The following MLLT10 variants were observed in gnomAD, a reference collection of about 807,000 sequenced individuals.
MLLT10 encodes MLLT10 histone lysine methyltransferase DOT1L cofactor, also known as protein AF-10.
Under a neutral mutation model 129.1 loss-of-function variants are expected in MLLT10, and 30 were observed. The ratio of observed to expected loss-of-function variants is 0.23; its 90% confidence interval spans 0.17 to 0.32. MLLT10 has a LOEUF of 0.32. MLLT10 is among the 10% of genes least tolerant of loss of function. The pLI is 1.00. For synonymous variants in MLLT10, 490 were observed against 446.4 expected, an observed-to-expected ratio of 1.10 and a Z score of -1.23; for missense variants, 1,119 against 1,268.3, an observed-to-expected ratio of 0.88 and a Z score of 1.79.
intron 3 of MLLT10, among the ~76,000 whole-genome samples, chr10:21,570,485 T>C (rs538143988): frequency 4.1e-4 from 63 of 152,144 alleles, no homozygotes; most frequent in African/African-American, 1.5e-3. Context: ...TCTAAAGACT[T>C]TTTTTTTCTA....
intron 22 of MLLT10, among the ~76,000 whole-genome samples, chr10:21,740,580 T>C (rs2058746078): frequency 6.6e-6 from 1 of 152,222 alleles, no homozygotes; most frequent in Admixed American, 6.5e-5. Flanking sequence ...GAAATATTTT[T>C]ATTTTACTCC....
chr10:21,601,598 C>T (rs1413596304), intron 5 of MLLT10, among the ~76,000 whole-genome samples: 1 of 152,144 alleles, frequency 6.6e-6, no homozygotes, highest in East Asian at 1.9e-4. Context: ...AGTTATGTCT[C>T]ACGATAGCCT....
intron 3 of MLLT10, among the ~76,000 whole-genome samples, chr10:21,583,622 A>T (rs2041690801): frequency 6.6e-6 from 1 of 152,138 alleles, no homozygotes; most frequent in African/African-American, 2.4e-5. Flanking sequence ...GGGCAGTGGG[A>T]ATGGGGACCA....
At chr10:21,678,673 G>A (rs973059945) in intron 11 of MLLT10, among the ~76,000 whole-genome samples, 3 of 152,142 alleles carry the variant, frequency 2.0e-5, no homozygotes, top group Admixed American at 2.0e-4. Context: ...CAAACTGATA[G>A]GCTAATGATC....
chr10:21,704,610 G>GC (rs2055312605), intron 13 of MLLT10, among the ~76,000 whole-genome samples: 1 of 67,000 alleles, frequency 1.5e-5, no homozygotes, highest in Non-Finnish European at 2.7e-5. Flanking sequence ...TCTCTCTCTC[G>GC]CTTTTTTTTT....
At chr10:21,692,461 C>T (rs1218966466) in intron 13 of MLLT10, among the ~76,000 whole-genome samples, 2 of 151,974 alleles carry the variant, frequency 1.3e-5, no homozygotes, top group Admixed American at 6.5e-5. Context: ...TGAACCACCG[C>T]GCCTGGCCTA....
intron 4 of MLLT10, among the ~76,000 whole-genome samples, chr10:21,588,984 C>T (rs2042254847): frequency 6.6e-6 from 1 of 151,950 alleles, no homozygotes; most frequent in African/African-American, 2.4e-5. Flanking sequence ...CCACCGCGCC[C>T]AGCTGATTTT....
chr10:21,545,614 A>G (rs1179579526), intron 3 of MLLT10, among the ~76,000 whole-genome samples: 2 of 152,208 alleles, frequency 1.3e-5, no homozygotes, highest in African/African-American at 4.8e-5. Flanking sequence ...ATTGTTTAGA[A>G]AAAGCACCGT....
At chr10:21,728,787 GGAGGCCAAGTTTGGAGGATTGCTT>G (rs2057715906) in intron 16 of MLLT10, among the ~76,000 whole-genome samples, 1 of 152,040 alleles carries the variant, frequency 6.6e-6, no homozygotes, top group African/African-American at 2.4e-5. Context: ...CAGCGCTTTG[GGAGGCCAAGTTTGGAGGATTGCTT>G]GAGGCCTGGA....
At chr10:21,620,364 A>G (rs1277205106) in intron 8 of MLLT10, among the ~76,000 whole-genome samples, 1 of 152,196 alleles carries the variant, frequency 6.6e-6, no homozygotes, top group Non-Finnish European at 1.5e-5. Flanking sequence ...CCAATTTGAA[A>G]TGGTTTGAAT....
At chr10:21,570,365 G>A (rs1267302719) in intron 3 of MLLT10, among the ~76,000 whole-genome samples, 3 of 152,148 alleles carry the variant, frequency 2.0e-5, no homozygotes, top group Non-Finnish European at 2.9e-5. Flanking sequence ...GAGCCACTGC[G>A]CTCAGCCACT....
chr10:21,692,468 C>T (rs1289985780), intron 13 of MLLT10, among the ~76,000 whole-genome samples: 1 of 151,932 alleles, frequency 6.6e-6, no homozygotes, highest in Non-Finnish European at 1.5e-5. Flanking sequence ...CCGCGCCTGG[C>T]CTATTGTTCT....
intron 2 of MLLT10, 94 bp downstream of exon 2, chr10:21,534,898 G>T (rs1323923327): frequency 1.1e-6 from 1 of 925,622 alleles, no homozygotes; most frequent in African/African-American, 1.8e-5. Context: ...CCCCCGCCCC[G>T]TGCCGCGGCC....
At chr10:21,733,188 T>C in intron 18 of MLLT10, 101 bp downstream of exon 18, 2 of 1,195,876 alleles carry the variant, frequency 1.7e-6, no homozygotes, top group African/African-American at 3.1e-5. Context: ...TATGAAGATG[T>C]AGAAAAGGAA....
chr10:21,711,965 T>G (rs1345899832), intron 13 of MLLT10, among the ~76,000 whole-genome samples: 1 of 152,214 alleles, frequency 6.6e-6, no homozygotes, highest in African/African-American at 2.4e-5. Flanking sequence ...CTACCTATCT[T>G]GAATGGCTTT....
chr10:21,723,473 T>C (rs1286512709), intron 14 of MLLT10, among the ~76,000 whole-genome samples: 1 of 152,216 alleles, frequency 6.6e-6, no homozygotes, highest in African/African-American at 2.4e-5. Context: ...AAGTGATATA[T>C]TGATATGTCA....
At chr10:21,648,278 A>T (rs1264327730) in intron 8 of MLLT10, among the ~76,000 whole-genome samples, 1 of 152,216 alleles carries the variant, frequency 6.6e-6, no homozygotes, top group Non-Finnish European at 1.5e-5. Flanking sequence ...TCCAGTGAAC[A>T]CTTGTAATGC....
At chr10:21,642,803 G>A (rs1410073350) in intron 8 of MLLT10, among the ~76,000 whole-genome samples, 2 of 152,092 alleles carry the variant, frequency 1.3e-5, no homozygotes, top group East Asian at 3.8e-4. Flanking sequence ...TCTGGGCTGG[G>A]GAATAGATAC....
intron 3 of MLLT10, among the ~76,000 whole-genome samples, chr10:21,569,979 G>A (rs1039964649): frequency 5.3e-5 from 8 of 152,016 alleles, no homozygotes; most frequent in Admixed American, 1.3e-4. Flanking sequence ...GCATGATCTC[G>A]GCTCATTGCA....
Sources: gnomAD v4.1 joint callset for allele counts (sites outside exome capture counted in the v4.1 genomes callset) on GRCh38, gnomAD v4.1.1 for gene constraint, MANE v1.5 for transcripts, NCBI Gene and HGNC (gene_info 2026-07-23, HGNC 2026-07-21) for gene names.